The following AMPH variants were observed in gnomAD, a reference collection of about 807,000 sequenced individuals.
AMPH encodes the protein amphiphysin.
Under a neutral mutation model 99.1 loss-of-function variants are expected in AMPH, and 49 were observed. The ratio of observed to expected loss-of-function variants is 0.49; its 90% CI spans 0.39 to 0.63. The LOEUF (loss-of-function observed/expected upper bound fraction) is 0.63, where lower values mean the gene tolerates loss of function less well. AMPH is among the 20% of genes least tolerant of loss of function. The pLI, the probability that AMPH is intolerant of heterozygous loss-of-function variation, is 0.00. For missense variants in AMPH, 759 were observed against 863.4 expected, an observed-to-expected ratio of 0.88 and a Z score of 1.52; for synonymous variants, 314 against 317.3, an observed-to-expected ratio of 0.99 and a Z score of 0.11.
At chr7:38,495,429 T>C (rs1788894728) in intron 3 of AMPH, among the ~76,000 whole-genome samples, 1 of 152,138 alleles carries the variant, frequency 6.6e-6, no homozygotes, top group African/African-American at 2.4e-5. Flanking sequence ...GAGCACAAGA[T>C]GGGAACCAGC....
intron 1 of AMPH, among the ~76,000 whole-genome samples, chr7:38,590,641 A>G (rs2129057874): frequency 6.6e-6 from 1 of 152,204 alleles, no homozygotes; most frequent in Middle Eastern, 3.4e-3. Flanking sequence ...CCTAATTTGT[A>G]TTTTAGTGAG....
chr7:38,441,780 ATATATCTG>A lies in AMPH; in HGVS notation c.1018-5400_1018-5393del, dbSNP rs1270963776. Among the ~76,000 whole-genome samples the A allele has an allele frequency of 3.0e-4, 41 of 136,926 alleles. 1 individual carries two copies. The highest frequency in any genetic ancestry group is 9.8e-4 in the African/African-American group (36 of 36,908). The allele number at this position is 136,926 out of a possible 152,430, so 89.8% of individuals were successfully genotyped here. On this transcript the variant is annotated intron_variant, in intron 11 of 20. Coordinates refer to ENST00000356264, the MANE Select transcript of AMPH (RefSeq NM_001635.4). ...ATATATCATATATATGATATATATC[ATATATCTG>A]TCATATATATCATATATATATCATA...
chr7:38,435,187 CTA>C (rs1230382914), intron 12 of AMPH, among the ~76,000 whole-genome samples: 1 of 152,190 alleles, frequency 6.6e-6, no homozygotes, highest in Non-Finnish European at 1.5e-5. Flanking sequence ...AGTGTTTAGA[CTA>C]TTAATTTCTT....
chr7:38,394,095 A>T lies in AMPH; in HGVS notation c.1518T>A (p.Ser506Arg). The T allele has an allele frequency of 6.2e-7, 1 of 1,613,898 alleles. No homozygotes were observed. The highest frequency in any genetic ancestry group is 8.5e-7 in the Non-Finnish European group (1 of 1,179,960). Reference sequence around the variant, plus strand: ...CAGTTCCAATTTTGGCCTCCTCTAAACTTACTCCTTCCCCGGCAGGGACAG... The same window carrying T: ...CAGTTCCAATTTTGGCCTCCTCTAATCTTACTCCTTCCCCGGCAGGGACAG... The part of the protein sequence containing the change: ...KATVPAGEGV[S>R]LEEAKIGTET... Residue 506 changes from serine (S) to arginine (R), a missense_variant, in exon 18 of 21, where the codon AGT (serine) becomes AGA (arginine). Ser to Arg is a moderately radical substitution (Grantham distance 110). Around this residue, in one of 2 missense-constraint regions of AMPH, gnomAD observed 554 missense variants for 575.6 expected, o/e 0.96. Coordinates refer to ENST00000356264, the MANE Select transcript of AMPH (RefSeq NM_001635.4).
At chr7:38,514,311 G>A (rs1034518625) in intron 2 of AMPH, among the ~76,000 whole-genome samples, 2 of 152,098 alleles carry the variant, frequency 1.3e-5, no homozygotes, top group Non-Finnish European at 2.9e-5. Context: ...TTTTAAATGG[G>A]CCTCCACATG....
intron 1 of AMPH, among the ~76,000 whole-genome samples, chr7:38,601,473 G>A (rs561669933): frequency 7.9e-5 from 12 of 152,120 alleles, no homozygotes; most frequent in African/African-American, 1.2e-4. Flanking sequence ...AAGCTCAAAC[G>A]GTTACTTTTT....
At position 38,394,126 on chromosome 7, in the gene AMPH, T is replaced by G. The variant is rs35024632; in HGVS notation, c.1487A>C (p.Lys496Thr). The G allele has an allele frequency of 0.068, 109,105 of 1,614,134 alleles. 4,376 individuals carry two copies. The highest frequency in any genetic ancestry group is 0.18 in the East Asian group (8,289 of 44,860). Residue 496 changes from lysine to threonine, a missense_variant, in exon 18 of 21, where the codon AAG becomes ACG. By Grantham distance (78) the Lys-to-Thr change is moderately conservative. This residue lies in a region of AMPH where 554 missense variants were observed against 575.6 expected (regional missense o/e 0.96). Coordinates refer to ENST00000356264, the MANE Select transcript of AMPH (RefSeq NM_001635.4). ...TCCTTCCCCGGCAGGGACAGTGGCC[T>G]TCTCCGCCTCTGCTTCCTCTCCTGG... ...GAPGEEAEAE[K>T]ATVPAGEGVS...
intron 5 of AMPH, among the ~76,000 whole-genome samples, chr7:38,490,680 A>T (rs1030854095): frequency 1.3e-5 from 2 of 152,188 alleles, no homozygotes; most frequent in African/African-American, 4.8e-5. Flanking sequence ...GAAATTTCTC[A>T]CTTCCTTGTG....
intron 16 of AMPH, 35 bp downstream of exon 16, chr7:38,422,386 C>A: frequency 1.3e-6 from 2 of 1,575,166 alleles, no homozygotes; most frequent in African/African-American, 1.4e-5. Flanking sequence ...TGATAACTAA[C>A]AACTTCCTGA....
At chr7:38,485,522 C>T (rs1161820077) in intron 5 of AMPH, among the ~76,000 whole-genome samples, 1 of 151,860 alleles carries the variant, frequency 6.6e-6, no homozygotes, top group African/African-American at 2.4e-5. Context: ...AACCTTAATA[C>T]CCCTCTTTCA....
intron 1 of AMPH, among the ~76,000 whole-genome samples, chr7:38,575,090 T>C (rs924740257): frequency 6.7e-6 from 1 of 150,200 alleles, no homozygotes; most frequent in South Asian, 2.1e-4. Flanking sequence ...TATTAAAACA[T>C]TTCACAGTGA....
chr7:38,551,051 C>T (rs774951572), intron 1 of AMPH, among the ~76,000 whole-genome samples: 1 of 152,100 alleles, frequency 6.6e-6, no homozygotes, highest in Non-Finnish European at 1.5e-5. Flanking sequence ...TGCTCAAAAC[C>T]CCTGTGGATG....
chr7:38,581,086 G>C (rs188293398), intron 1 of AMPH, among the ~76,000 whole-genome samples: 1 of 139,752 alleles, frequency 7.2e-6, no homozygotes, highest in Admixed American at 7.0e-5. Flanking sequence ...GCACACTCAA[G>C]GCTGAGGAGC....
intron 1 of AMPH, among the ~76,000 whole-genome samples, chr7:38,583,019 C>T (rs1163645749): frequency 6.6e-6 from 1 of 152,154 alleles, no homozygotes; most frequent in Non-Finnish European, 1.5e-5. Context: ...AATGTATTGA[C>T]AATCTCATGG....
intron 12 of AMPH, among the ~76,000 whole-genome samples, chr7:38,435,166 T>C (rs891573293): frequency 3.0e-4 from 45 of 152,244 alleles, no homozygotes; most frequent in African/African-American, 1.1e-3. Flanking sequence ...TTGCAAAGCA[T>C]CTTCAAGGCT....
intron 1 of AMPH, among the ~76,000 whole-genome samples, chr7:38,572,536 T>C (rs1001925208): frequency 5.9e-4 from 90 of 152,330 alleles, no homozygotes; most frequent in African/African-American, 2.0e-3. Context: ...GAGTCAGGTA[T>C]TCCAAAGATT....
intron 17 of AMPH, among the ~76,000 whole-genome samples, chr7:38,417,283 C>T (rs1245697439): frequency 6.7e-6 from 1 of 149,530 alleles, no homozygotes; most frequent in Non-Finnish European, 1.5e-5. Context: ...AGCACAAAAA[C>T]AAAACATCCT....
intron 3 of AMPH, among the ~76,000 whole-genome samples, chr7:38,499,964 T>C (rs35189743): frequency 0.028 from 4,287 of 152,280 alleles, 84 homozygotes; most frequent in South Asian, 0.053. Context: ...TTTGCCATGA[T>C]TGTGAGGCCT....
At chr7:38,457,166 C>A (rs746074972) in intron 11 of AMPH, among the ~76,000 whole-genome samples, 9 of 152,094 alleles carry the variant, frequency 5.9e-5, no homozygotes, top group Non-Finnish European at 1.0e-4. Context: ...GGAAGTTATA[C>A]CAGATGCACA....
Sources: allele counts gnomAD v4.1 joint callset (sites outside exome capture counted in the v4.1 genomes callset), GRCh38; gene constraint gnomAD v4.1.1; regional missense constraint gnomAD v4.1.1; transcripts MANE v1.5; gene names NCBI Gene and HGNC (gene_info 2026-07-23, HGNC 2026-07-21).